SIK3: variants seen among roughly 807,000 people sequenced by gnomAD.
SIK3 encodes serine/threonine-protein kinase SIK3.
In SIK3, 28 loss-of-function variants were observed where a neutral mutation model predicts 144.2. The ratio of observed to expected loss-of-function variants is 0.19; its 90% confidence interval spans 0.14 to 0.27. The LOEUF (loss-of-function observed/expected upper bound fraction) is 0.27. Ranked by LOEUF, SIK3 falls within the 10% of genes least tolerant of loss-of-function variation. The probability of loss-of-function intolerance (pLI) is 1.00; values close to 1 mark genes in which losing one functional copy is unlikely to be tolerated. For missense variants in SIK3, 1,319 were observed against 1,776.0 expected, an observed-to-expected ratio of 0.74 and a Z score of 4.62; for synonymous variants, 686 against 676.3, an observed-to-expected ratio of 1.01 and a Z score of -0.22.
At chr11:116,913,333 G>C (rs1375898785) in intron 4 of SIK3, among the ~76,000 whole-genome samples, 1 of 151,938 alleles carries the variant, frequency 6.6e-6, no homozygotes, top group African/African-American at 2.4e-5. Context: ...TTTGGGGGGA[G>C]ATTTGGATCA....
At chr11:116,948,902 A>G (rs1331665726) in intron 3 of SIK3, among the ~76,000 whole-genome samples, 1 of 152,182 alleles carries the variant, frequency 6.6e-6, no homozygotes, top group East Asian at 1.9e-4. Context: ...GAAATAGAGG[A>G]TAGAAAAACA....
Position 117,013,972 on chromosome 11 carries a change from CTTT to C in SIK3, c.274-56911_274-56909del, listed in dbSNP as rs71037442. Among the ~76,000 whole-genome samples the C allele has an allele frequency of 3.3e-4, 9 of 27,058 alleles. 1 individual carries two copies. The highest frequency in any genetic ancestry group is 6.2e-4 in the Admixed American group (1 of 1,606). 17.8% of individuals were successfully genotyped at this position (27,058 alleles called of 152,430 possible). A position where few individuals can be genotyped will look rare whatever the true frequency, so the allele number is the denominator to read the frequency against. On this transcript the variant is annotated intron_variant, in intron 1 of 24. Coordinates refer to ENST00000445177, the MANE Select transcript of SIK3 (RefSeq NM_001366686.3). ...TGTGTTTTATTTCTTTTTTTCTTTTCTTTTTTTTTTTTTTTTTTTTTTGAGACA... is the reference window on the plus strand; with the variant it reads ...TGTGTTTTATTTCTTTTTTTCTTTTCTTTTTTTTTTTTTTTTTTTGAGACA...
chr11:116,885,169 C>G (rs1225363146), intron 6 of SIK3, among the ~76,000 whole-genome samples: 1 of 152,100 alleles, frequency 6.6e-6, no homozygotes, highest in African/African-American at 2.4e-5. Flanking sequence ...CTTTCAGTGA[C>G]TGAACATAGA....
intron 6 of SIK3, among the ~76,000 whole-genome samples, chr11:116,887,077 T>C (rs12284346): frequency 0.07 from 10,671 of 152,180 alleles, 431 homozygotes; most frequent in Middle Eastern, 0.12. Context: ...TCATTTGACT[T>C]GGTCACCTTC....
intron 3 of SIK3, among the ~76,000 whole-genome samples, chr11:116,940,200 C>G (rs1481382563): frequency 2.0e-5 from 3 of 151,502 alleles, no homozygotes; most frequent in Non-Finnish European, 4.4e-5. Context: ...AATGTAGGAG[C>G]CAGGCAAAAA....
intron 1 of SIK3, among the ~76,000 whole-genome samples, chr11:117,049,297 T>C (rs981066052): frequency 6.6e-6 from 1 of 151,914 alleles, no homozygotes; most frequent in Non-Finnish European, 1.5e-5. Flanking sequence ...ATACTTTCCA[T>C]CTGGACGCAG....
chr11:117,056,558 GAT>G (rs1491282104), intron 1 of SIK3, among the ~76,000 whole-genome samples: 1 of 110,172 alleles, frequency 9.1e-6, no homozygotes, highest in Non-Finnish European at 1.7e-5. Context: ...TATAGATATA[GAT>G]ATAGATATAG....
At chr11:117,073,994 C>T (rs973694179) in intron 1 of SIK3, among the ~76,000 whole-genome samples, 1 of 152,168 alleles carries the variant, frequency 6.6e-6, no homozygotes, top group Non-Finnish European at 1.5e-5. Flanking sequence ...TAATTCACTG[C>T]AGCCCTGAAC....
rs1491171268 is a variant in SIK3 at position 116,844,629 on chromosome 11, A to ATT, written c.*1013_*1014insAA. On this transcript the variant is annotated 3_prime_UTR_variant, in exon 25 of 25. Transcript: ENST00000445177. ...TATATTATATATATAATATATATAT[A>ATT]ATATATTATATTATATATTATATAT... 85 of 42,390 alleles carry ATT rather than the reference A, an allele frequency of 2.0e-3. No homozygotes were observed. Among genetic ancestry groups the ATT allele is most frequent in the African/African-American group, 0.019 (84 of 4,318 alleles). 2.6% of individuals were successfully genotyped at this position (42,390 alleles called of 1,614,324 possible). A position where few individuals can be genotyped will look rare whatever the true frequency, so the allele number is the denominator to read the frequency against.
At chr11:116,946,755 T>C (rs1948611134) in intron 3 of SIK3, among the ~76,000 whole-genome samples, 1 of 152,128 alleles carries the variant, frequency 6.6e-6, no homozygotes, top group African/African-American at 2.4e-5. Context: ...GAGCAATGCT[T>C]CTCAAAATAG....
intron 4 of SIK3, among the ~76,000 whole-genome samples, chr11:116,903,500 AAC>A (rs1309961264): frequency 6.6e-6 from 1 of 152,240 alleles, no homozygotes; most frequent in Admixed American, 6.5e-5. Flanking sequence ...AAATTCTCAT[AAC>A]ACAAATTCAA....
intron 3 of SIK3, among the ~76,000 whole-genome samples, chr11:116,947,345 T>C (rs903289065): frequency 4.1e-5 from 6 of 145,558 alleles, no homozygotes; most frequent in Non-Finnish European, 8.9e-5. Context: ...CAGCAAAAGA[T>C]ACTAAGAAGG....
intron 4 of SIK3, among the ~76,000 whole-genome samples, chr11:116,910,069 C>T (rs1167924572): frequency 6.6e-6 from 1 of 151,980 alleles, no homozygotes; most frequent in Non-Finnish European, 1.5e-5. Flanking sequence ...GAGTGATATG[C>T]TTATTAGTCA....
intron 1 of SIK3, among the ~76,000 whole-genome samples, chr11:116,965,756 T>TATATATATATA (rs1398457018): frequency 4.0e-5 from 2 of 49,444 alleles, no homozygotes; most frequent in African/African-American, 1.2e-4. Context: ...TATATATATA[T>TATATATATATA]ATATATATAT....
At chr11:117,061,007 G>C (rs1477431960) in intron 1 of SIK3, among the ~76,000 whole-genome samples, 1 of 152,194 alleles carries the variant, frequency 6.6e-6, no homozygotes, top group African/African-American at 2.4e-5. Context: ...AGAACTTTTG[G>C]AGGCTGAGGT....
chr11:117,078,307 G>A (rs1954638496), intron 1 of SIK3, among the ~76,000 whole-genome samples: 1 of 152,108 alleles, frequency 6.6e-6, no homozygotes, highest in African/African-American at 2.4e-5. Flanking sequence ...TGAACTTAAT[G>A]CAAGTCACAT....
intron 7 of SIK3, 129 bp from the exon 8 acceptor site, chr11:116,876,492 AG>A: frequency 1.3e-6 from 1 of 741,486 alleles, no homozygotes. Context: ...ACAAAGTCTA[AG>A]GAAGAGAGCC....
chr11:117,025,410 C>T (rs1185752317), intron 1 of SIK3, among the ~76,000 whole-genome samples: 1 of 152,104 alleles, frequency 6.6e-6, no homozygotes, highest in South Asian at 2.1e-4. Context: ...TTTTAGTTTC[C>T]TCATCACAAA....
intron 4 of SIK3, among the ~76,000 whole-genome samples, chr11:116,922,956 A>C (rs1947084769): frequency 8.5e-6 from 1 of 117,974 alleles, no homozygotes; most frequent in African/African-American, 3.4e-5. Flanking sequence ...TCGCTCTCTC[A>C]CCCAGGTTGG....
Sources: gnomAD v4.1 joint callset for allele counts (sites outside exome capture counted in the v4.1 genomes callset) on GRCh38, gnomAD v4.1.1 for gene constraint, MANE v1.5 for transcripts, NCBI Gene and HGNC (gene_info 2026-07-23, HGNC 2026-07-21) for gene names.